Variants in PHLPP2 observed in about 807,000 individuals in gnomAD.
PHLPP2 encodes PH domain and leucine rich repeat protein phosphatase 2.
A neutral mutation model predicts 124.9 loss-of-function variants in PHLPP2; 66 were observed. The ratio of observed to expected loss-of-function variants is 0.53; its 90% CI spans 0.43 to 0.65. The LOEUF is 0.65. Ranked by LOEUF, PHLPP2 falls within the 30% of genes least tolerant of loss-of-function variation. The pLI, the probability that PHLPP2 is intolerant of heterozygous loss-of-function variation, is 0.00. For missense variants in PHLPP2, 1,685 were observed against 1,600.4 expected, an observed-to-expected ratio of 1.05 and a Z score of -0.90; for synonymous variants, 681 against 624.7, an observed-to-expected ratio of 1.09 and a Z score of -1.34.
chr16:71,675,213 C>G (rs1462459392), intron 9 of PHLPP2, among the ~76,000 whole-genome samples: 1 of 152,196 alleles, frequency 6.6e-6, no homozygotes, highest in Non-Finnish European at 1.5e-5. Flanking sequence ...GAAGATGCTT[C>G]TCCTCGCCTC....
intron 2 of PHLPP2, among the ~76,000 whole-genome samples, chr16:71,707,507 G>A (rs1391250382): frequency 2.0e-5 from 3 of 152,106 alleles, no homozygotes; most frequent in Non-Finnish European, 4.4e-5. Flanking sequence ...CCCTGACCTG[G>A]GTGGGGAAGC....
At chr16:71,686,278 T>C (rs961410265) in intron 4 of PHLPP2, among the ~76,000 whole-genome samples, 6 of 152,216 alleles carry the variant, frequency 3.9e-5, no homozygotes, top group Admixed American at 6.5e-5. Context: ...GTTCAAGTGA[T>C]CCTCCCGCCT....
intron 2 of PHLPP2, among the ~76,000 whole-genome samples, chr16:71,709,043 T>C (rs979232968): frequency 3.3e-5 from 5 of 152,158 alleles, no homozygotes; most frequent in East Asian, 3.8e-4. Context: ...AACTCTAATA[T>C]ATATGCTGAT....
At chr16:71,668,946 T>G (rs781466277) in intron 11 of PHLPP2, among the ~76,000 whole-genome samples, 3 of 152,234 alleles carry the variant, frequency 2.0e-5, no homozygotes, top group Non-Finnish European at 4.4e-5. Flanking sequence ...AGTGATGTTC[T>G]TAGAACATTG....
chr16:71,714,809 A>G lies in PHLPP2; in HGVS notation c.-6-8T>C. 1.2e-6 allele frequency: 2 copies of G among 1,605,182 alleles called. No individual in the cohort carries two copies. The highest frequency in any genetic ancestry group is 1.7e-6 in the Non-Finnish European group (2 of 1,175,426). On this transcript the variant is annotated splice_region_variant and splice_polypyrimidine_tract_variant and intron_variant, in intron 1 of 18. Transcript: ENST00000568954. ...ATTGCGTTTCATATTTCTCTAAAAA[A>G]TATCAAGAGAAAGAAATCGTTAGCT... is the stretch of plus-strand genomic sequence containing the variant.
At position 71,655,323 on chromosome 16, in the gene PHLPP2, C is replaced by T. The variant is rs776766333; in HGVS notation, c.2502G>A (p.Thr834=). 18 of 1,613,756 alleles carry T rather than the reference C, an allele frequency of 1.1e-5. No homozygotes were observed. Among genetic ancestry groups the T allele is most frequent in the Non-Finnish European group, 1.4e-5 (16 of 1,179,768 alleles). Residue 834 remains threonine, a synonymous_variant, in exon 17 of 19, where the codon ACG becomes ACA. Coordinates refer to ENST00000568954, the MANE Select transcript of PHLPP2 (RefSeq NM_015020.3). ...NEELPRLLQC[T]MADVLLEEVQ... is the part of the protein sequence containing the mutation. ...CCTCTTCTAAAAGCACATCTGCCAT[C>T]GTACACTGCAGCAGGCGCGGGAGCT...
Position 71,649,888 on chromosome 16 carries a change from A to C in PHLPP2, c.2974T>G (p.Ser992Ala). ...ACAGCATTGACAGCTTCTGTGTAGG[A>C]CAAGTGTTCCCACAATGCTTTGTTT... ...LGNKALWEHL[S>A]YTEAVNAVRH... Residue 992 changes from serine to alanine, a missense_variant, in exon 19 of 19, where the codon TCC becomes GCC. Physicochemically the swap from Ser to Ala is moderately conservative, Grantham distance 99. Transcript: ENST00000568954. 1 of 1,614,226 alleles carries C rather than the reference A, an allele frequency of 6.2e-7. No homozygotes were observed.
At position 71,649,743 on chromosome 16, in the gene PHLPP2, C is replaced by T. The variant is rs549003726; in HGVS notation, c.3119G>A (p.Cys1040Tyr). ...VVYLNIGEEG[C>Y]TCEMNGLTLP... is the part of the protein sequence containing the mutation. ...GGTGAGCCCATTCATTTCACAAGTG[C>T]AGCCTTCCTCACCAATATTCAAATA... is the stretch of plus-strand genomic sequence containing the variant. The change falls in exon 19 of 19, where the codon TGC becomes TAC. Residue 1040 changes from cysteine to tyrosine, a missense_variant. Coordinates refer to ENST00000568954, the MANE Select transcript of PHLPP2 (RefSeq NM_015020.3). 7 of 1,614,224 alleles carry T rather than the reference C, an allele frequency of 4.3e-6. No individual in the cohort carries two copies. The highest frequency in any genetic ancestry group is 1.3e-5 in the African/African-American group (1 of 75,064).
Position 71,669,361 on chromosome 16 carries a change from T to C in PHLPP2, c.1542A>G (p.Leu514=), listed in dbSNP as rs113061734. The C allele has an allele frequency of 4.7e-4, 754 of 1,608,950 alleles. 11 individuals are homozygous for C. In the Middle Eastern group the frequency reaches 7.8e-3, roughly 17 times the overall value. ...CACAGGCCCAGTCAGGGACACACTCTAGCAGGTTTCTGCAGAAAATAAATA... is the reference window on the plus strand; with the variant it reads ...CACAGGCCCAGTCAGGGACACACTCCAGCAGGTTTCTGCAGAAAATAAATA... ...LTFLDLSRNL[L]ECVPDWACEA... The change falls in exon 11 of 19, where the codon CTA becomes CTG. Residue 514 remains leucine (L), a synonymous_variant. Transcript: ENST00000568954.
At chr16:71,662,558 A>C (rs886094943) in intron 13 of PHLPP2, among the ~76,000 whole-genome samples, 1 of 152,170 alleles carries the variant, frequency 6.6e-6, no homozygotes, top group Non-Finnish European at 1.5e-5. Flanking sequence ...CTGAAGCTCT[A>C]TCTCATGTTG....
intron 8 of PHLPP2, chr16:71,677,852 T>A (rs1322125141): frequency 6.6e-6 from 1 of 152,136 alleles, no homozygotes; most frequent in Non-Finnish European, 1.5e-5. Flanking sequence ...AGAAAAATGG[T>A]CATTTATGGA....
In PHLPP2 at chr16:71,723,794, C is replaced by T. The variant is rs1025224798; in HGVS notation, c.-7+535G>A. ...CTTCAGGACCCGGATCCCTCCCGGC[C>T]GGCGGCTCGCGGGCGCTTCGGGCGG... On this transcript the variant is annotated intron_variant, in intron 1 of 18. Transcript: ENST00000568954. 6.1e-6 allele frequency: 8 copies of T among 1,307,868 alleles called. No individual in the cohort carries two copies. The African/African-American group carries it at 1.1e-4, about 18-fold the overall frequency. The allele number at this position is 1,307,868 out of a possible 1,614,324, so 81.0% of individuals were successfully genotyped here.
chr16:71,652,176 C>A (rs1401835152), intron 18 of PHLPP2, among the ~76,000 whole-genome samples: 2 of 152,272 alleles, frequency 1.3e-5, no homozygotes, highest in African/African-American at 2.4e-5. Context: ...TCTTAAAACT[C>A]AACAATACAG....
intron 6 of PHLPP2, 47 bp from the exon 7 acceptor site, chr16:71,679,582 T>C (rs2044978246): frequency 5.9e-6 from 9 of 1,518,852 alleles, no homozygotes; most frequent in African/African-American, 1.4e-5. Flanking sequence ...ATACATCTAT[T>C]ACTGTATCTT....
chr16:71,714,972 A>G (rs1189789026), intron 1 of PHLPP2, 171 bp from the exon 2 acceptor site: 1 of 780,476 alleles, frequency 1.3e-6, no homozygotes, highest in Non-Finnish European at 2.0e-6. Context: ...TAACTCAGAT[A>G]ACTTAATTTT....
chr16:71,687,789 G>A (rs147119110), intron 4 of PHLPP2, among the ~76,000 whole-genome samples: 1 of 152,204 alleles, frequency 6.6e-6, no homozygotes, highest in East Asian at 1.9e-4. Flanking sequence ...TCTAGAAAAT[G>A]TTCAGCTATT....
At chr16:71,685,258 C>CA (rs1381134167) in intron 4 of PHLPP2, among the ~76,000 whole-genome samples, 1 of 152,124 alleles carries the variant, frequency 6.6e-6, no homozygotes, top group African/African-American at 2.4e-5. Flanking sequence ...ACCCAGGGGG[C>CA]GGAGGTTGCA....
chr16:71,659,304 T>C (rs914052675), intron 13 of PHLPP2, among the ~76,000 whole-genome samples: 1 of 144,060 alleles, frequency 6.9e-6, no homozygotes, highest in African/African-American at 2.6e-5. Flanking sequence ...CAGGCTGGAG[T>C]GCAATGGCCT....
At position 71,658,286 on chromosome 16, in the gene PHLPP2, G is replaced by A. The variant is rs370457540; in HGVS notation, c.2226C>T (p.Asp742=). ...EALPATLQDL[D]LTGNTNLVLE... is the part of the protein sequence containing the mutation. ...GAACCAGATTTGTATTTCCAGTCAG[G>A]TCAAGGTCTTGTAATGTAGCAGGCA... The change falls in exon 15 of 19, where the codon GAC becomes GAT. Residue 742 remains aspartate (D), a synonymous_variant. Coordinates refer to ENST00000568954, the MANE Select transcript of PHLPP2 (RefSeq NM_015020.3). 8.7e-6 allele frequency: 14 copies of A among 1,613,712 alleles called. No individual in the cohort carries two copies. Among genetic ancestry groups the A allele is most frequent in the East Asian group, 2.2e-5 (1 of 44,878 alleles).
Sources: gnomAD v4.1 joint callset for allele counts (sites outside exome capture counted in the v4.1 genomes callset) on GRCh38, gnomAD v4.1.1 for gene constraint, MANE v1.5 for transcripts, NCBI Gene and HGNC (gene_info 2026-07-23, HGNC 2026-07-21) for gene names.